The following AFG2A variants were observed in gnomAD, a reference collection of about 807,000 sequenced individuals.
The protein encoded by AFG2A is ATPase family gene 2 protein homolog A.
the AFG2A span, among the ~76,000 whole-genome samples, chr4:123,109,428 C>A: frequency 6.6e-6 from 1 of 152,038 alleles, no homozygotes; most frequent in Non-Finnish European, 1.5e-5. Context: ...GACGGTATGG[C>A]TGACAAGCTG....
the AFG2A span, among the ~76,000 whole-genome samples, chr4:122,999,883 A>G: frequency 3.3e-5 from 5 of 151,974 alleles, no homozygotes; most frequent in Non-Finnish European, 5.9e-5. Context: ...CATTGAATCT[A>G]TAAATTACCT....
At chr4:123,192,521 T>C in the AFG2A span, among the ~76,000 whole-genome samples, 2 of 152,226 alleles carry the variant, frequency 1.3e-5, no homozygotes, top group African/African-American at 4.8e-5. Context: ...TTAAATAGAA[T>C]TTAAAATTCA....
the AFG2A span, among the ~76,000 whole-genome samples, chr4:122,991,358 T>C: frequency 2.0e-5 from 3 of 152,238 alleles, no homozygotes; most frequent in Non-Finnish European, 2.9e-5. Flanking sequence ...TTAAGAAATA[T>C]TTACTAGCTT....
At chr4:122,964,520 T>G in the AFG2A span, among the ~76,000 whole-genome samples, 5 of 146,116 alleles carry the variant, frequency 3.4e-5, no homozygotes. Context: ...AAAAAAAAAG[T>G]AATTGCAAAA....
At chr4:122,940,359 G>C in the AFG2A span, among the ~76,000 whole-genome samples, 2 of 152,120 alleles carry the variant, frequency 1.3e-5, no homozygotes, top group East Asian at 1.9e-4. Context: ...TTGTGGTTTT[G>C]ATTTGCATTT....
the AFG2A span, among the ~76,000 whole-genome samples, chr4:123,239,750 G>A: frequency 6.6e-6 from 1 of 152,134 alleles, no homozygotes; most frequent in Non-Finnish European, 1.5e-5. Flanking sequence ...GACCATCGAT[G>A]CTTTGAAGAA....
the AFG2A span, among the ~76,000 whole-genome samples, chr4:122,925,839 G>C: frequency 6.6e-6 from 1 of 152,202 alleles, no homozygotes; most frequent in African/African-American, 2.4e-5. Flanking sequence ...GTGAACAAAA[G>C]TGCCTAGCAT....
At chr4:122,937,381 G>T in the AFG2A span, among the ~76,000 whole-genome samples, 1 of 151,968 alleles carries the variant, frequency 6.6e-6, no homozygotes, top group African/African-American at 2.4e-5. Context: ...TAGCAACAGG[G>T]TCTTGCTATG....
At chr4:123,144,969 T>A in the AFG2A span, among the ~76,000 whole-genome samples, 546 of 152,142 alleles carry the variant, frequency 3.6e-3, 5 homozygotes, top group African/African-American at 0.013. Flanking sequence ...TTTTTCTCTT[T>A]TCCATTTTCT....
chr4:123,078,348 A>G, the AFG2A span, among the ~76,000 whole-genome samples: 1 of 152,218 alleles, frequency 6.6e-6, no homozygotes, highest in South Asian at 2.1e-4. Flanking sequence ...ATGAACGTCA[A>G]GGAATAAAAG....
the AFG2A span, among the ~76,000 whole-genome samples, chr4:123,088,451 T>C: frequency 1.3e-5 from 2 of 152,198 alleles, no homozygotes; most frequent in Non-Finnish European, 2.9e-5. Context: ...CCTAAAGCTT[T>C]TGCCAACTGT....
At chr4:123,230,562 C>T in the AFG2A span, among the ~76,000 whole-genome samples, 7 of 151,926 alleles carry the variant, frequency 4.6e-5, no homozygotes, top group African/African-American at 1.7e-4. Flanking sequence ...TTCTTCCACA[C>T]CCCTGTTAAT....
chr4:123,093,319 T>A, the AFG2A span, among the ~76,000 whole-genome samples: 1 of 151,522 alleles, frequency 6.6e-6, no homozygotes, highest in Non-Finnish European at 1.5e-5. Flanking sequence ...TTCATTTACA[T>A]GCAAATTAAA....
chr4:123,082,329 A>G, the AFG2A span, among the ~76,000 whole-genome samples: 1 of 151,986 alleles, frequency 6.6e-6, no homozygotes, highest in Non-Finnish European at 1.5e-5. Context: ...ATGTGTCTAG[A>G]TTCATTTTTT....
chr4:122,997,762 T>C, the AFG2A span, among the ~76,000 whole-genome samples: 1 of 152,198 alleles, frequency 6.6e-6, no homozygotes, highest in East Asian at 1.9e-4. Context: ...TTACCAGTAA[T>C]ATATACAGAG....
chr4:123,273,765 T>G, the AFG2A span, among the ~76,000 whole-genome samples: 1 of 152,192 alleles, frequency 6.6e-6, no homozygotes, highest in South Asian at 2.1e-4. Flanking sequence ...CTGTATAAGA[T>G]GTAGATGAAA....
chr4:123,250,855 T>G, the AFG2A span, among the ~76,000 whole-genome samples: 1 of 152,324 alleles, frequency 6.6e-6, no homozygotes, highest in East Asian at 1.9e-4. Flanking sequence ...CATGCTATTA[T>G]TCAGAATACA....
the AFG2A span, among the ~76,000 whole-genome samples, chr4:123,087,536 C>T: frequency 2.0e-5 from 3 of 152,260 alleles, no homozygotes; most frequent in Admixed American, 2.0e-4. Context: ...CTTCCTCCTG[C>T]CAGAAGCACA....
chr4:123,129,554 A>G, the AFG2A span, among the ~76,000 whole-genome samples: 4 of 152,334 alleles, frequency 2.6e-5, no homozygotes, highest in South Asian at 6.2e-4. Flanking sequence ...TAGCACCATC[A>G]GCTGTCATTG....
Sources: gnomAD v4.1 joint callset for allele counts (sites outside exome capture counted in the v4.1 genomes callset) on GRCh38, gnomAD v4.1.1 for gene constraint, MANE v1.5 for transcripts, NCBI Gene and HGNC (gene_info 2026-07-23, HGNC 2026-07-21) for gene names.